The following G3BP2 variants were observed in gnomAD, a reference collection of about 807,000 sequenced individuals.
G3BP2 encodes ras GTPase-activating protein-binding protein 2.
Under a neutral mutation model 56.7 loss-of-function variants are expected in G3BP2, and 11 were observed. The ratio of observed to expected loss-of-function variants is 0.19; its 90% confidence interval spans 0.12 to 0.32. G3BP2 has a LOEUF of 0.32. Among genes scored for constraint, G3BP2 ranks in the 10% least tolerant of loss-of-function variants. The probability of loss-of-function intolerance (pLI) is 1.00; values close to 1 mark genes in which losing one functional copy is unlikely to be tolerated. For synonymous variants in G3BP2, 165 were observed against 191.6 expected, an observed-to-expected ratio of 0.86 and a Z score of 1.15; for missense variants, 340 against 610.9, an observed-to-expected ratio of 0.56 and a Z score of 4.67.
At chr4:75,655,710 G>C in intron 6 of G3BP2, 58 bp downstream of exon 6, 1 of 878,772 alleles carries the variant, frequency 1.1e-6, no homozygotes, top group East Asian at 2.4e-5. Context: ...TCTAGGAACA[G>C]AAACCACCTT....
At chr4:75,652,559 T>C (rs1235171554) in intron 8 of G3BP2, among the ~76,000 whole-genome samples, 3 of 151,994 alleles carry the variant, frequency 2.0e-5, no homozygotes, top group African/African-American at 2.4e-5. Flanking sequence ...GAGGTGGAGG[T>C]TGCAGTGAGC....
At chr4:75,658,378 G>A (rs1732271346) in intron 3 of G3BP2, among the ~76,000 whole-genome samples, 1 of 151,562 alleles carries the variant, frequency 6.6e-6, no homozygotes, top group African/African-American at 2.4e-5. Flanking sequence ...GACAATTTAT[G>A]CTGACAATTA....
At chr4:75,672,043 C>G (rs1733527314) in intron 1 of G3BP2, among the ~76,000 whole-genome samples, 1 of 152,138 alleles carries the variant, frequency 6.6e-6, no homozygotes, top group African/African-American at 2.4e-5. Flanking sequence ...TTTGAAAGAC[C>G]AGAACAAGGT....
At chr4:75,703,943 T>A (rs562652301) in intron 3 of G3BP2, among the ~76,000 whole-genome samples, 69 of 152,326 alleles carry the variant, frequency 4.5e-4, no homozygotes, top group African/African-American at 1.5e-3. Flanking sequence ...GAGTAAATGC[T>A]TCTTTTGATT....
At chr4:75,686,621 A>G (rs1288335139) in intron 3 of G3BP2, among the ~76,000 whole-genome samples, 1 of 152,020 alleles carries the variant, frequency 6.6e-6, no homozygotes, top group South Asian at 2.1e-4. Context: ...GGCAACCACA[A>G]GCAATTCAGT....
upstream of G3BP2, among the ~76,000 whole-genome samples, chr4:75,675,884 G>A (rs1733857860): frequency 6.6e-6 from 1 of 151,996 alleles, no homozygotes; most frequent in Admixed American, 6.6e-5. Context: ...GGTTTTGAGC[G>A]CCACGTATGG....
At chr4:75,664,775 G>A (rs1333275298) in intron 1 of G3BP2, among the ~76,000 whole-genome samples, 1 of 151,980 alleles carries the variant, frequency 6.6e-6, no homozygotes, top group Non-Finnish European at 1.5e-5. Context: ...CTTTAACCTG[G>A]GGGACAAAGG....
At chr4:75,661,427 C>A (rs1732546743) in intron 2 of G3BP2, 2 of 151,928 alleles carry the variant, frequency 1.3e-5, no homozygotes, top group African/African-American at 4.8e-5. Flanking sequence ...GCCACTGTGT[C>A]CAGCCTCATG....
At chr4:75,680,364 G>T (rs921475571) in intron 3 of G3BP2, among the ~76,000 whole-genome samples, 1 of 152,136 alleles carries the variant, frequency 6.6e-6, no homozygotes, top group Non-Finnish European at 1.5e-5. Flanking sequence ...GGATCAAATC[G>T]CATTTTCTTC....
chr4:75,651,618 G>C (rs1731705463), intron 8 of G3BP2, among the ~76,000 whole-genome samples: 1 of 152,160 alleles, frequency 6.6e-6, no homozygotes, highest in East Asian at 1.9e-4. Flanking sequence ...TAATTCTTCA[G>C]GTCTCCAGTT....
intron 3 of G3BP2, among the ~76,000 whole-genome samples, chr4:75,719,278 G>A (rs1164301800): frequency 1.4e-5 from 2 of 147,800 alleles, no homozygotes; most frequent in Non-Finnish European, 3.0e-5. Context: ...AACCCGGGAG[G>A]CGGAGCTTGC....
At chr4:75,688,584 C>T (rs774335039) in intron 3 of G3BP2, among the ~76,000 whole-genome samples, 23 of 152,176 alleles carry the variant, frequency 1.5e-4, no homozygotes, top group Admixed American at 3.3e-4. Flanking sequence ...CAGCACAAAA[C>T]CTGCATCCCC....
intron 1 of G3BP2, chr4:75,672,519 G>C (rs1041608997): frequency 1.3e-5 from 2 of 152,264 alleles, no homozygotes; most frequent in African/African-American, 2.4e-5. Context: ...TCCAGTATCC[G>C]AACACGTTCG....
chr4:75,685,988 C>T (rs994920538), intron 3 of G3BP2, among the ~76,000 whole-genome samples: 10 of 152,178 alleles, frequency 6.6e-5, no homozygotes, highest in African/African-American at 2.2e-4. Flanking sequence ...TGTGCACATA[C>T]ACCACACATG....
chr4:75,661,213 C>A (rs1343068077), intron 2 of G3BP2, among the ~76,000 whole-genome samples: 1 of 152,174 alleles, frequency 6.6e-6, no homozygotes, highest in Non-Finnish European at 1.5e-5. Flanking sequence ...ACTGCAGCCT[C>A]CACCTCCCAG....
intron 8 of G3BP2, among the ~76,000 whole-genome samples, chr4:75,651,513 T>C (rs957652260): frequency 6.6e-6 from 1 of 152,232 alleles, no homozygotes; most frequent in Non-Finnish European, 1.5e-5. Flanking sequence ...AGATATCTGA[T>C]GATGCCAGTT....
intron 3 of G3BP2, among the ~76,000 whole-genome samples, chr4:75,720,755 C>T (rs1168345439): frequency 6.6e-6 from 1 of 150,562 alleles, no homozygotes; most frequent in East Asian, 2.0e-4. Context: ...GAGATCGCGC[C>T]ACTACACTCC....
intron 8 of G3BP2, 80 bp downstream of exon 8, chr4:75,653,903 C>T: frequency 1.4e-6 from 1 of 692,394 alleles, no homozygotes; most frequent in Non-Finnish European, 2.6e-6. Context: ...TTCTGATTGA[C>T]TCATTTTTAA....
chr4:75,646,921 G>A, intron 10 of G3BP2, 108 bp downstream of exon 10: 2 of 669,792 alleles, frequency 3.0e-6, no homozygotes, highest in South Asian at 2.1e-5. Flanking sequence ...GCTGGACACA[G>A]TATAAAGAGA....
Sources: allele counts gnomAD v4.1 joint callset (sites outside exome capture counted in the v4.1 genomes callset), GRCh38; gene constraint gnomAD v4.1.1; transcripts MANE v1.5; gene names NCBI Gene and HGNC (gene_info 2026-07-23, HGNC 2026-07-21).